The following ROR1 variants were observed in gnomAD, a reference collection of about 807,000 sequenced individuals.
ROR1 encodes the protein ROR family WNT receptor 1, also known as inactive tyrosine-protein kinase transmembrane receptor ROR1.
Under a neutral mutation model 78.8 loss-of-function variants are expected in ROR1, and 19 were observed. That is an observed-to-expected ratio of 0.24 (90% CI 0.17 to 0.35). ROR1 has a LOEUF of 0.35. Among genes scored for constraint, ROR1 ranks in the 10% least tolerant of loss-of-function variants. ROR1 has a pLI of 1.00. For synonymous variants in ROR1, 386 were observed against 433.6 expected (o/e 0.89, Z 1.36); for missense variants, 917 against 1,177.8 (o/e 0.78, Z 3.24).
chr1:63,972,348 A>C (rs1169844236), intron 1 of ROR1, among the ~76,000 whole-genome samples: 1 of 152,192 alleles, frequency 6.6e-6, no homozygotes, highest in Non-Finnish European at 1.5e-5. Flanking sequence ...AGTTTTAGGC[A>C]AAGTTAAGTC....
intron 1 of ROR1, among the ~76,000 whole-genome samples, chr1:63,813,014 A>G (rs1644869655): frequency 6.6e-6 from 1 of 152,158 alleles, no homozygotes; most frequent in South Asian, 2.1e-4. Context: ...TTTAAATAAA[A>G]GAGACAGATA....
At chr1:63,821,495 A>T (rs1166041449) in intron 1 of ROR1, among the ~76,000 whole-genome samples, 1 of 152,234 alleles carries the variant, frequency 6.6e-6, no homozygotes, top group Non-Finnish European at 1.5e-5. Context: ...TTAGTGATTC[A>T]GGACTTCTGG....
In ROR1 at chr1:64,179,888, T is replaced by C. The variant is rs1650503884; in HGVS notation, c.*1033T>C. 1 of 152,214 alleles carries C rather than the reference T, an allele frequency of 6.6e-6. No homozygotes were observed. The highest frequency in any genetic ancestry group is 1.5e-5 in the Non-Finnish European group (1 of 68,036). The allele number at this position is 152,214 out of a possible 1,614,324, so 9.4% of individuals were successfully genotyped here. ...TCTAGGGAAGTAGGAAACTCCATCATGATACAAATGTCTAGTAATTTTAAA... is the reference window on the plus strand; with the variant it reads ...TCTAGGGAAGTAGGAAACTCCATCACGATACAAATGTCTAGTAATTTTAAA... On this transcript the variant is annotated 3_prime_UTR_variant, in exon 9 of 9. Transcript: ENST00000371079.
At chr1:63,898,230 G>A (rs569053076) in intron 1 of ROR1, among the ~76,000 whole-genome samples, 2 of 152,196 alleles carry the variant, frequency 1.3e-5, no homozygotes, top group South Asian at 2.1e-4. Context: ...AGCTCCTTGG[G>A]GTCAAAGGCT....
intron 4 of ROR1, among the ~76,000 whole-genome samples, chr1:64,083,098 A>G (rs12725446): frequency 0.33 from 50,562 of 152,080 alleles, 10,090 homozygotes; most frequent in East Asian, 0.6. Flanking sequence ...GTGGAGGACA[A>G]GGTTTGAATC....
At chr1:64,146,022 AC>A (rs1417454400) in intron 7 of ROR1, among the ~76,000 whole-genome samples, 8 of 152,126 alleles carry the variant, frequency 5.3e-5, no homozygotes, top group Admixed American at 2.0e-4. Context: ...AACCAAATGA[AC>A]TGGTTTGTTT....
intron 1 of ROR1, among the ~76,000 whole-genome samples, chr1:63,814,732 G>A (rs1375216714): frequency 6.6e-6 from 1 of 152,132 alleles, no homozygotes; most frequent in Non-Finnish European, 1.5e-5. Context: ...TGATCTGACA[G>A]GAGGTGGAGC....
chr1:63,910,723 C>A (rs189317453), intron 1 of ROR1, among the ~76,000 whole-genome samples: 1 of 152,160 alleles, frequency 6.6e-6, no homozygotes, highest in East Asian at 1.9e-4. Context: ...GTGAGGGCTG[C>A]GCTTTTTCTG....
chr1:63,999,172 A>T (rs1002929941), intron 1 of ROR1, among the ~76,000 whole-genome samples: 1 of 152,214 alleles, frequency 6.6e-6, no homozygotes, highest in Non-Finnish European at 1.5e-5. Context: ...AAACTGAGGG[A>T]GGCATTCTCT....
chr1:63,928,125 T>A (rs898136402), intron 1 of ROR1, among the ~76,000 whole-genome samples: 1 of 152,168 alleles, frequency 6.6e-6, no homozygotes, highest in African/African-American at 2.4e-5. Context: ...GTCGGGGAAA[T>A]GCTCATGAAA....
At chr1:63,894,562 A>G (rs1645424615) in intron 1 of ROR1, among the ~76,000 whole-genome samples, 1 of 152,096 alleles carries the variant, frequency 6.6e-6, no homozygotes. Context: ...TGATGTTTAT[A>G]CTGATCATGT....
chr1:64,147,172 C>T (rs1258511339), intron 7 of ROR1, among the ~76,000 whole-genome samples: 3 of 152,158 alleles, frequency 2.0e-5, no homozygotes. Flanking sequence ...CATAGTATTA[C>T]TCAGTGTGTT....
intron 1 of ROR1, among the ~76,000 whole-genome samples, chr1:63,904,276 C>T (rs923356466): frequency 6.6e-6 from 1 of 152,058 alleles, no homozygotes. Context: ...GTTGTGTGCC[C>T]ATGTTATAGA....
intron 1 of ROR1, among the ~76,000 whole-genome samples, chr1:63,898,407 G>T (rs1645457903): frequency 6.6e-6 from 1 of 151,080 alleles, no homozygotes; most frequent in Non-Finnish European, 1.5e-5. Context: ...TTTAAAAAAA[G>T]GAAAGAATAA....
At chr1:63,866,892 G>C (rs891602280) in intron 1 of ROR1, among the ~76,000 whole-genome samples, 1 of 152,074 alleles carries the variant, frequency 6.6e-6, no homozygotes, top group South Asian at 2.1e-4. Context: ...AGATTTGATA[G>C]TCCAGGTTTT....
chr1:63,876,208 G>T (rs1395426447), intron 1 of ROR1, among the ~76,000 whole-genome samples: 1 of 152,078 alleles, frequency 6.6e-6, no homozygotes, highest in African/African-American at 2.4e-5. Flanking sequence ...GAGTGAAGTG[G>T]CTTACACCTC....
chr1:64,038,723 C>A (rs1386704237), intron 2 of ROR1, among the ~76,000 whole-genome samples: 1 of 152,094 alleles, frequency 6.6e-6, no homozygotes, highest in Non-Finnish European at 1.5e-5. Flanking sequence ...TCTTTGAGTG[C>A]AGGCTCTTAG....
chr1:63,836,975 G>A (rs929774534), intron 1 of ROR1, among the ~76,000 whole-genome samples: 4 of 152,140 alleles, frequency 2.6e-5, no homozygotes, highest in African/African-American at 7.2e-5. Context: ...TCAAGACATC[G>A]GTTCCCTGTC....
rs547857125 is a variant in ROR1, at chr1:64,008,582, G to A, written c.92-723G>A. 2.6e-5 allele frequency among the ~76,000 whole-genome samples: 4 copies of A among 152,266 alleles called. No individual in the cohort carries two copies. In the South Asian group the frequency reaches 8.3e-4, roughly 32 times the overall value. ...GGAACTAATTTACATTCCCCCAACA[G>A]TGTATTAGCATTCCGTTTTCTCTGC... On this transcript the variant is annotated intron_variant, in intron 1 of 8. Coordinates refer to ENST00000371079, the MANE Select transcript of ROR1 (RefSeq NM_005012.4).
Sources: allele counts gnomAD v4.1 joint callset (sites outside exome capture counted in the v4.1 genomes callset), GRCh38; gene constraint gnomAD v4.1.1; transcripts MANE v1.5; gene names NCBI Gene and HGNC (gene_info 2026-07-23, HGNC 2026-07-21).